The following AIG1 variants were observed in gnomAD, a reference collection of about 807,000 sequenced individuals.
AIG1 encodes the protein androgen induced 1, also known as androgen-induced gene 1 protein.
AIG1 carries 23 observed loss-of-function variants against 31.4 expected under a neutral mutation model. The observed-to-expected ratio is 0.73, with a 90% CI of 0.53 to 1.04. AIG1 has a LOEUF of 1.04. Among genes scored for constraint, AIG1 ranks in the 50% least tolerant of loss-of-function variants. The pLI is 0.00. For synonymous variants in AIG1, 100 were observed against 110.5 expected (o/e 0.90, Z 0.60); for missense variants, 274 against 295.0 (o/e 0.93, Z 0.52).
intron 4 of AIG1, among the ~76,000 whole-genome samples, chr6:143,296,224 T>C (rs894606258): frequency 1.3e-5 from 2 of 152,156 alleles, no homozygotes; most frequent in East Asian, 3.8e-4. Flanking sequence ...TTCATTTAAA[T>C]TGCCAACTGA....
At chr6:143,146,879 A>G (rs1011213555) in intron 2 of AIG1, among the ~76,000 whole-genome samples, 2 of 152,156 alleles carry the variant, frequency 1.3e-5, no homozygotes, top group East Asian at 1.9e-4. Flanking sequence ...ACTTTCATTC[A>G]TTGTACCTTT....
At chr6:143,197,038 T>C (rs1790295886) in intron 3 of AIG1, among the ~76,000 whole-genome samples, 1 of 152,200 alleles carries the variant, frequency 6.6e-6, no homozygotes, top group Non-Finnish European at 1.5e-5. Context: ...ATGGCTGTGA[T>C]GAATGTGTGT....
At chr6:143,242,344 C>G (rs955415754) in intron 3 of AIG1, among the ~76,000 whole-genome samples, 9 of 152,170 alleles carry the variant, frequency 5.9e-5, no homozygotes. Context: ...GACGTGATAA[C>G]CCTTCTATAA....
At chr6:143,073,166 A>T (rs917570897) in intron 1 of AIG1, among the ~76,000 whole-genome samples, 1 of 152,176 alleles carries the variant, frequency 6.6e-6, no homozygotes, top group African/African-American at 2.4e-5. Context: ...TTTACTTAGC[A>T]TCATGTCCTC....
At chr6:143,139,849 AT>A (rs1784102893) in intron 2 of AIG1, among the ~76,000 whole-genome samples, 1 of 152,306 alleles carries the variant, frequency 6.6e-6, no homozygotes, top group African/African-American at 2.4e-5. Context: ...ACAGAAATTC[AT>A]TTTGAGGCCA....
intron 1 of AIG1, among the ~76,000 whole-genome samples, chr6:143,090,061 T>C (rs1219672107): frequency 1.3e-5 from 2 of 152,232 alleles, no homozygotes; most frequent in Non-Finnish European, 2.9e-5. Flanking sequence ...TTGAGTTGGT[T>C]CATCCTCTCC....
intron 3 of AIG1, among the ~76,000 whole-genome samples, chr6:143,257,761 C>G (rs2128654441): frequency 6.6e-6 from 1 of 152,258 alleles, no homozygotes; most frequent in East Asian, 1.9e-4. Context: ...ATTGTTGGGT[C>G]TTGGGTCATC....
At chr6:143,311,953 CT>C (rs1403249261) in intron 4 of AIG1, among the ~76,000 whole-genome samples, 3 of 152,036 alleles carry the variant, frequency 2.0e-5, no homozygotes, top group East Asian at 1.9e-4. Flanking sequence ...AAGTAACCCC[CT>C]TTACAATAGC....
intron 4 of AIG1, among the ~76,000 whole-genome samples, chr6:143,322,654 ACT>A (rs1001204913): frequency 3.9e-5 from 6 of 152,242 alleles, no homozygotes; most frequent in African/African-American, 1.4e-4. Context: ...GAAGCACATC[ACT>A]TAAAATCACT....
intron 3 of AIG1, among the ~76,000 whole-genome samples, chr6:143,171,573 T>C (rs1423739683): frequency 7.1e-6 from 1 of 141,814 alleles, no homozygotes; most frequent in East Asian, 2.0e-4. Context: ...CTTTATCCAC[T>C]CGTTGATTGA....
At chr6:143,166,540 C>T (rs1345406943) in intron 3 of AIG1, among the ~76,000 whole-genome samples, 1 of 152,212 alleles carries the variant, frequency 6.6e-6, no homozygotes, top group African/African-American at 2.4e-5. Context: ...ACAGCACTTT[C>T]ATATCTCTAT....
At chr6:143,087,268 T>G (rs1272042722) in intron 1 of AIG1, among the ~76,000 whole-genome samples, 2 of 152,118 alleles carry the variant, frequency 1.3e-5, no homozygotes, top group African/African-American at 2.4e-5. Context: ...CCCAAGGTGG[T>G]GGCAAGCCTT....
chr6:143,264,129 C>G (rs1345827870), intron 3 of AIG1, among the ~76,000 whole-genome samples: 1 of 152,152 alleles, frequency 6.6e-6, no homozygotes, highest in Non-Finnish European at 1.5e-5. Context: ...TGGTTTTTAA[C>G]TTGATTATAA....
At chr6:143,070,531 A>T (rs1347670904) in intron 1 of AIG1, among the ~76,000 whole-genome samples, 2 of 152,218 alleles carry the variant, frequency 1.3e-5, no homozygotes, top group African/African-American at 2.4e-5. Flanking sequence ...TTATAAAGAA[A>T]AGAAACTTAT....
In AIG1 at chr6:143,164,840, A is replaced by G. The variant is rs1305229507; in HGVS notation, c.298-242A>G. 46 of 372,606 alleles carry G rather than the reference A, an allele frequency of 1.2e-4. No individual in the cohort carries two copies. The Admixed American group carries it at 1.9e-3, about 15-fold the overall frequency. 23.1% of individuals were successfully genotyped at this position (372,606 alleles called of 1,614,324 possible). A position where few individuals can be genotyped will look rare whatever the true frequency, so the allele number is the denominator to read the frequency against. ...AAAACAGGCCTCTTCTCTCTCCCTC[A>G]GAAACCAATCCCTTTGCCTGAAAGA... On this transcript the variant is annotated intron_variant, in intron 2 of 5. Transcript: ENST00000357847.
intron 1 of AIG1, among the ~76,000 whole-genome samples, chr6:143,131,978 T>C (rs1264715716): frequency 1.3e-5 from 2 of 152,238 alleles, no homozygotes; most frequent in Admixed American, 1.3e-4. Context: ...ATTTAACTTA[T>C]CACAGTCTGC....
At chr6:143,322,369 C>T (rs1776282990) in intron 4 of AIG1, among the ~76,000 whole-genome samples, 1 of 152,182 alleles carries the variant, frequency 6.6e-6, no homozygotes, top group Admixed American at 6.5e-5. Context: ...TCCTCCCCCT[C>T]CAGAGCTAGC....
chr6:143,181,884 A>C (rs1788755156), intron 3 of AIG1, among the ~76,000 whole-genome samples: 1 of 152,210 alleles, frequency 6.6e-6, no homozygotes, highest in Admixed American at 6.5e-5. Context: ...GGGAGACCAG[A>C]GGAGAAAGAG....
At chr6:143,190,983 T>A (rs12197685) in intron 3 of AIG1, among the ~76,000 whole-genome samples, 23,221 of 152,134 alleles carry the variant, frequency 0.15, 1,894 homozygotes, top group Non-Finnish European at 0.18. Context: ...ACTATCTATT[T>A]TTTTTTAATG....
Sources: allele counts gnomAD v4.1 joint callset (sites outside exome capture counted in the v4.1 genomes callset), GRCh38; gene constraint gnomAD v4.1.1; transcripts MANE v1.5; gene names NCBI Gene and HGNC (gene_info 2026-07-23, HGNC 2026-07-21).